Variants in GNB4 observed in about 807,000 individuals in gnomAD.
The protein encoded by GNB4 is G protein subunit beta 4, also known as guanine nucleotide-binding protein subunit beta-4.
Under a neutral mutation model 45.2 loss-of-function variants are expected in GNB4, and 28 were observed. That is an observed-to-expected ratio of 0.62 (90% CI 0.46 to 0.85). The LOEUF is 0.85. Ranked by LOEUF, GNB4 falls within the 40% of genes least tolerant of loss-of-function variation. The probability of loss-of-function intolerance (pLI) is 0.00; values close to 1 mark genes in which losing one functional copy is unlikely to be tolerated. For synonymous variants in GNB4, 132 were observed against 143.7 expected (o/e 0.92, Z 0.58); for missense variants, 321 against 425.4 (o/e 0.75, Z 2.16).
chr3:179,429,582 C>T (rs1222962738), intron 1 of GNB4, among the ~76,000 whole-genome samples: 4 of 152,166 alleles, frequency 2.6e-5, no homozygotes, highest in African/African-American at 9.7e-5. Context: ...TCATCCAGTA[C>T]TTCATCAGGC....
chr3:179,454,088 C>T (rs1337723079), upstream of GNB4, among the ~76,000 whole-genome samples: 1 of 152,164 alleles, frequency 6.6e-6, no homozygotes, highest in Non-Finnish European at 1.5e-5. Flanking sequence ...ATTTCTGATG[C>T]CTGCTGGTTT....
At chr3:179,412,089 C>CTA (rs1243219717) in intron 8 of GNB4, among the ~76,000 whole-genome samples, 5 of 152,122 alleles carry the variant, frequency 3.3e-5, no homozygotes, top group Admixed American at 3.3e-4. Context: ...GCTTATCCTC[C>CTA]TATATACTGA....
chr3:179,488,734 T>C, the GNB4 span, among the ~76,000 whole-genome samples: 1 of 151,772 alleles, frequency 6.6e-6, no homozygotes, highest in Admixed American at 6.6e-5. Context: ...CCTGTAATCT[T>C]AGCACTTTGG....
At chr3:179,456,374 C>G (rs1715978675), upstream of GNB4, among the ~76,000 whole-genome samples, 1 of 152,130 alleles carries the variant, frequency 6.6e-6, no homozygotes, top group Non-Finnish European at 1.5e-5. Flanking sequence ...GAAATATAAT[C>G]TGCCACAAGC....
At chr3:179,522,074 A>G in the GNB4 span, among the ~76,000 whole-genome samples, 5 of 152,156 alleles carry the variant, frequency 3.3e-5, no homozygotes, top group Non-Finnish European at 5.9e-5. Context: ...ATATAAGAAG[A>G]CAGGAATGTC....
At chr3:179,453,600 G>A (rs973557125), upstream of GNB4, among the ~76,000 whole-genome samples, 1 of 152,104 alleles carries the variant, frequency 6.6e-6, no homozygotes, top group Non-Finnish European at 1.5e-5. Context: ...AAGATGAGGG[G>A]AAATATAAAT....
the GNB4 span, among the ~76,000 whole-genome samples, chr3:179,496,259 T>C: frequency 6.6e-6 from 1 of 152,170 alleles, no homozygotes. Flanking sequence ...AATAGACTGT[T>C]ATAACTATGT....
chr3:179,474,522 C>A, the GNB4 span, among the ~76,000 whole-genome samples: 1 of 151,684 alleles, frequency 6.6e-6, no homozygotes, highest in Non-Finnish European at 1.5e-5. Flanking sequence ...CTGCACCCAG[C>A]CAAGTCACAA....
chr3:179,523,489 G>C, the GNB4 span, among the ~76,000 whole-genome samples: 1 of 152,192 alleles, frequency 6.6e-6, no homozygotes, highest in Non-Finnish European at 1.5e-5. Context: ...GGCACCACGG[G>C]GTGGATAGAT....
the GNB4 span, among the ~76,000 whole-genome samples, chr3:179,506,790 A>AT: frequency 3.2e-3 from 484 of 151,884 alleles, 2 homozygotes; most frequent in African/African-American, 0.011. Context: ...TCTCTCTCTC[A>AT]TTTTTTTCTA....
chr3:179,405,724 T>A (rs1162427167), intron 8 of GNB4: 2 of 191,356 alleles, frequency 1.0e-5, no homozygotes, highest in Non-Finnish European at 1.1e-5. Context: ...AGAATATATA[T>A]GTGTGTGTGT....
chr3:179,497,722 A>G, the GNB4 span, among the ~76,000 whole-genome samples: 58 of 152,318 alleles, frequency 3.8e-4, no homozygotes, highest in South Asian at 4.6e-3. Flanking sequence ...AAAAGATGAA[A>G]AAAACGAGCA....
At chr3:179,431,987 A>G (rs942906702) in intron 1 of GNB4, among the ~76,000 whole-genome samples, 1 of 152,056 alleles carries the variant, frequency 6.6e-6, no homozygotes, top group Non-Finnish European at 1.5e-5. Context: ...AAAAAAGAAA[A>G]AATTCCTTGA....
At chr3:179,423,122 A>C (rs536347611) in intron 2 of GNB4, among the ~76,000 whole-genome samples, 5 of 152,272 alleles carry the variant, frequency 3.3e-5, no homozygotes, top group African/African-American at 1.2e-4. Flanking sequence ...GTGACAATTA[A>C]ACTAAGAAAA....
In GNB4 at chr3:179,416,518, ATAAT is replaced by A; in HGVS notation, c.238_241del (p.Ile80PhefsTer15). On this transcript the variant is annotated frameshift_variant, in exon 5 of 10. Coordinates refer to ENST00000232564, the MANE Select transcript of GNB4 (RefSeq NM_021629.4). LOFTEE classifies it high-confidence loss of function. ...CTTATTTGTTGTATAGCTATCCCAA[ATAAT>A]TAATTTTCCATCTTGAGAAGCACTG... is the stretch of plus-strand genomic sequence containing the variant. 6.3e-7 allele frequency: 1 copy of A among 1,594,354 alleles called. No individual in the cohort carries two copies. Among genetic ancestry groups the A allele is most frequent in the Non-Finnish European group, 8.6e-7 (1 of 1,167,980 alleles).
At chr3:179,496,060 C>G in the GNB4 span, among the ~76,000 whole-genome samples, 1 of 152,074 alleles carries the variant, frequency 6.6e-6, no homozygotes, top group Non-Finnish European at 1.5e-5. Flanking sequence ...TACTGTAAAA[C>G]TGTAATGGTG....
the GNB4 span, among the ~76,000 whole-genome samples, chr3:179,471,911 T>C: frequency 6.6e-5 from 10 of 152,208 alleles, no homozygotes; most frequent in Non-Finnish European, 1.2e-4. Flanking sequence ...GCATTAAAAC[T>C]CTTTGACTTA....
intron 8 of GNB4, among the ~76,000 whole-genome samples, chr3:179,407,356 G>A (rs1457276632): frequency 1.3e-5 from 2 of 152,208 alleles, no homozygotes; most frequent in Non-Finnish European, 2.9e-5. Flanking sequence ...CTACCTGGGA[G>A]GCTGAGGCAG....
At chr3:179,409,431 G>GA (rs200202568) in intron 8 of GNB4, among the ~76,000 whole-genome samples, 2,231 of 151,654 alleles carry the variant, frequency 0.015, 67 homozygotes, top group African/African-American at 0.051. Context: ...AGAATCACTT[G>GA]AACCTGGGAG....
Sources: allele counts gnomAD v4.1 joint callset (sites outside exome capture counted in the v4.1 genomes callset), GRCh38; gene constraint gnomAD v4.1.1; transcripts MANE v1.5; gene names NCBI Gene and HGNC (gene_info 2026-07-23, HGNC 2026-07-21).